The following DDX19B variants were observed in gnomAD, a reference collection of about 807,000 sequenced individuals.
DDX19B encodes ATP-dependent RNA helicase DDX19B.
DDX19B carries 27 observed loss-of-function variants against 58.1 expected under a neutral mutation model. The observed-to-expected ratio is 0.46, with a 90% CI of 0.34 to 0.64. The LOEUF (loss-of-function observed/expected upper bound fraction) is 0.64. Among genes scored for constraint, DDX19B ranks in the 30% least tolerant of loss-of-function variants. DDX19B has a pLI of 0.01. For missense variants in DDX19B, 399 were observed against 596.5 expected, an observed-to-expected ratio of 0.67 and a Z score of 3.45; for synonymous variants, 187 against 214.4, an observed-to-expected ratio of 0.87 and a Z score of 1.12.
intron 1 of DDX19B, 64 bp downstream of exon 1, chr16:70,299,418 G>A (rs1961366791): frequency 1.3e-6 from 2 of 1,508,516 alleles, no homozygotes; most frequent in African/African-American, 1.4e-5. Context: ...TGGTCCCTGG[G>A]AAAGAATGTT....
At chr16:70,327,027 GGTTTCACTGT>G (rs1567637288) in intron 7 of DDX19B, among the ~76,000 whole-genome samples, 1 of 150,290 alleles carries the variant, frequency 6.7e-6, no homozygotes, top group Admixed American at 6.6e-5. Flanking sequence ...GTAGAGACGG[GGTTTCACTGT>G]GTTAGCCAGG....
chr16:70,324,983 G>A (rs1056516425), intron 6 of DDX19B, among the ~76,000 whole-genome samples: 9 of 152,124 alleles, frequency 5.9e-5, no homozygotes, highest in Admixed American at 3.3e-4. Context: ...CCCGGGAGGC[G>A]GAGGTTGCAG....
At chr16:70,318,778 A>G (rs1267393413) in intron 5 of DDX19B, among the ~76,000 whole-genome samples, 1 of 146,670 alleles carries the variant, frequency 6.8e-6, no homozygotes, top group Non-Finnish European at 1.5e-5. Flanking sequence ...CCTGGGCAAC[A>G]AAAGCAAAAC....
chr16:70,324,018 C>T (rs1408966468), intron 5 of DDX19B, among the ~76,000 whole-genome samples: 1 of 151,988 alleles, frequency 6.6e-6, no homozygotes, highest in African/African-American at 2.4e-5. Flanking sequence ...CTGAGCAGTA[C>T]TAGGGCCCTG....
chr16:70,320,096 T>C (rs1273907315), intron 5 of DDX19B, among the ~76,000 whole-genome samples: 1 of 152,058 alleles, frequency 6.6e-6, no homozygotes, highest in East Asian at 1.9e-4. Context: ...GGATCTAATA[T>C]TTTTGTAGAT....
chr16:70,302,624 A>T (rs1961543753), intron 1 of DDX19B, among the ~76,000 whole-genome samples: 1 of 152,208 alleles, frequency 6.6e-6, no homozygotes, highest in Non-Finnish European at 1.5e-5. Context: ...ATATATACAC[A>T]GTTTGCTTAT....
chr16:70,329,778 T>G lies in DDX19B; in HGVS notation c.786-53T>G, dbSNP rs562071479. On this transcript the variant is annotated intron_variant, in intron 8 of 11. Coordinates refer to ENST00000288071, the MANE Select transcript of DDX19B (RefSeq NM_007242.7). ...CCCTCCCAGCTGGGAAGGCTGTGCT[T>G]CTGTCGCTTCCCGGGGCCACCTGGG... 4 of 1,609,264 alleles carry G rather than the reference T, an allele frequency of 2.5e-6. No individual in the cohort carries two copies. In the East Asian group the frequency reaches 8.9e-5, roughly 36 times the overall value.
intron 7 of DDX19B, among the ~76,000 whole-genome samples, chr16:70,328,746 AATTGT>A (rs1963312064): frequency 1.3e-5 from 2 of 152,094 alleles, no homozygotes; most frequent in Middle Eastern, 6.8e-3. Flanking sequence ...TACTTATTTT[AATTGT>A]ATTTTTGTAC....
chr16:70,289,773 G>T (rs1369539219), exon 1 of DDX19B: 1 of 221,068 alleles, frequency 4.5e-6, no homozygotes, highest in Non-Finnish European at 9.1e-6. Context: ...CCCCGCCCCC[G>T]GCTCCCGGAG....
intron 6 of DDX19B, among the ~76,000 whole-genome samples, chr16:70,325,287 C>T (rs945212351): frequency 1.3e-5 from 2 of 152,080 alleles, no homozygotes; most frequent in Non-Finnish European, 2.9e-5. Context: ...TCTGAGTAAA[C>T]GAAAAGAAAG....
In DDX19B at chr16:70,301,177, T is replaced by G. The variant is rs374232075; in HGVS notation, c.57+1823T>G. On this transcript the variant is annotated intron_variant, in intron 1 of 11. Transcript: ENST00000288071. ...TCCTTTCTGTACCCCTACTTTTCCATCTTTCTTGATTTATTCCTTATTTTA... is the reference window on the plus strand; with the variant it reads ...TCCTTTCTGTACCCCTACTTTTCCAGCTTTCTTGATTTATTCCTTATTTTA... Among the ~76,000 whole-genome samples the G allele has an allele frequency of 4.5e-4, 68 of 152,308 alleles. 1 individual carries two copies. In the South Asian group the frequency reaches 0.013, roughly 28 times the overall value.
upstream of DDX19B, among the ~76,000 whole-genome samples, chr16:70,292,321 T>C (rs2152177067): frequency 6.6e-6 from 1 of 152,260 alleles, no homozygotes; most frequent in Middle Eastern, 3.4e-3. Context: ...TTTTCTTCTA[T>C]TTCTAGTAGA....
Position 70,329,945 on chromosome 16 carries a change from G to C in DDX19B, c.900G>C (p.Glu300Asp). 6.2e-7 allele frequency: 1 copy of C among 1,614,258 alleles called. No individual in the cohort carries two copies. Among genetic ancestry groups the C allele is most frequent in the Non-Finnish European group, 8.5e-7 (1 of 1,180,052 alleles). The change falls in exon 9 of 12, where the codon GAG becomes GAC. Residue 300 changes from glutamate (E) to aspartate (D), a missense_variant. Physicochemically the swap from Glu to Asp is conservative, Grantham distance 45. Transcript: ENST00000288071. ...CAAACGTTATCAAACTGAAGCGTGA[G>C]GAAGAGACCCTGGACACCATCAAGC... ...PDPNVIKLKR[E>D]EETLDTIKQY...
At chr16:70,304,988 C>T (rs1046688405) in intron 1 of DDX19B, among the ~76,000 whole-genome samples, 4 of 151,952 alleles carry the variant, frequency 2.6e-5, no homozygotes, top group African/African-American at 4.8e-5. Flanking sequence ...TCATGTGAGG[C>T]GTGTTTTATC....
chr16:70,322,073 T>C (rs554092722), intron 5 of DDX19B, among the ~76,000 whole-genome samples: 1 of 151,178 alleles, frequency 6.6e-6, no homozygotes, highest in Non-Finnish European at 1.5e-5. Context: ...TGGCCAGGCA[T>C]AGTGGCTCAT....
chr16:70,330,961 A>AT (rs886217911), intron 9 of DDX19B, among the ~76,000 whole-genome samples: 3 of 151,562 alleles, frequency 2.0e-5, no homozygotes, highest in Non-Finnish European at 2.9e-5. Flanking sequence ...GGGAGGATTG[A>AT]TTGAGCCCAG....
chr16:70,312,497 A>G, intron 1 of DDX19B, 112 bp from the exon 2 acceptor site: 1 of 914,406 alleles, frequency 1.1e-6, no homozygotes, highest in Non-Finnish European at 1.8e-6. Context: ...TAATGAATAT[A>G]CCTTGAGAAT....
chr16:70,332,246 A>T (rs1203366501), intron 10 of DDX19B, among the ~76,000 whole-genome samples: 1 of 152,146 alleles, frequency 6.6e-6, no homozygotes, highest in African/African-American at 2.4e-5. Context: ...GTTCTGCTGT[A>T]TGCCTGTATG....
chr16:70,301,270 T>G (rs1025983601), intron 1 of DDX19B, among the ~76,000 whole-genome samples: 1 of 152,188 alleles, frequency 6.6e-6, no homozygotes, highest in Admixed American at 6.6e-5. Flanking sequence ...TTCCATGTCT[T>G]AAAAAATCTA....
Sources: allele counts gnomAD v4.1 joint callset (sites outside exome capture counted in the v4.1 genomes callset), GRCh38; gene constraint gnomAD v4.1.1; transcripts MANE v1.5; gene names NCBI Gene and HGNC (gene_info 2026-07-23, HGNC 2026-07-21).